The following LAMC3 variants were observed in gnomAD, a reference collection of about 807,000 sequenced individuals.
The protein encoded by LAMC3 is laminin subunit gamma-3.
LAMC3 carries 128 observed loss-of-function variants against 173.8 expected under a neutral mutation model. That is an observed-to-expected ratio of 0.74 (90% CI 0.64 to 0.85). The LOEUF (loss-of-function observed/expected upper bound fraction) is 0.85, where lower values mean the gene tolerates loss of function less well. Among genes scored for constraint, LAMC3 ranks in the 40% least tolerant of loss-of-function variants. The pLI is 0.00. For missense variants in LAMC3, 2,022 were observed against 2,156.0 expected, an observed-to-expected ratio of 0.94 and a Z score of 1.23; for synonymous variants, 897 against 909.1, an observed-to-expected ratio of 0.99 and a Z score of 0.24.
intron 11 of LAMC3, 89 bp from the exon 12 acceptor site, chr9:131,056,840 G>C: frequency 2.1e-6 from 2 of 964,718 alleles, no homozygotes; most frequent in African/African-American, 1.6e-5. Context: ...ACGTGGGCCT[G>C]GTCCATATGT....
chr9:131,057,877 A>G (rs1829724506), intron 12 of LAMC3, among the ~76,000 whole-genome samples: 2 of 152,200 alleles, frequency 1.3e-5, no homozygotes, highest in Admixed American at 1.3e-4. Context: ...ATAATAAAAT[A>G]GTGTCACCAG....
At chr9:131,027,753 G>C (rs1316674748) in intron 2 of LAMC3, among the ~76,000 whole-genome samples, 1 of 152,254 alleles carries the variant, frequency 6.6e-6, no homozygotes, top group African/African-American at 2.4e-5. Flanking sequence ...TTGGCACGTA[G>C]AGCGTGCCCA....
At chr9:131,054,746 A>G (rs975123466) in intron 11 of LAMC3, among the ~76,000 whole-genome samples, 3 of 151,698 alleles carry the variant, frequency 2.0e-5, no homozygotes, top group Non-Finnish European at 4.4e-5. Flanking sequence ...CCTTGTCTCA[A>G]AGAAAGAAAG....
Position 131,038,898 on chromosome 9 carries a change from G to A in LAMC3, c.1011G>A (p.Thr337=), listed in dbSNP as rs201170354. Residue 337 remains threonine, a synonymous_variant, in exon 5 of 28, where the codon ACG becomes ACA. Transcript: ENST00000361069. ...CNCSGRSEEC[T]FDRELFRSTG... ...GCAGTGGCCGCTCCGAGGAATGCAC[G>A]TTTGATCGGGAGCTCTTCCGCAGCA... is the stretch of plus-strand genomic sequence containing the variant. 1.5e-5 allele frequency: 25 copies of A among 1,613,350 alleles called. No individual in the cohort carries two copies. The highest frequency in any genetic ancestry group is 9.3e-5 in the African/African-American group (7 of 75,040).
chr9:131,088,126 A>T (rs1178382738), intron 27 of LAMC3, among the ~76,000 whole-genome samples: 1 of 152,180 alleles, frequency 6.6e-6, no homozygotes, highest in Non-Finnish European at 1.5e-5. Flanking sequence ...ACCCACAGGC[A>T]CCGGGTGAGC....
At chr9:131,032,794 A>G (rs1188089892) in intron 3 of LAMC3, among the ~76,000 whole-genome samples, 4 of 152,060 alleles carry the variant, frequency 2.6e-5, no homozygotes, top group Admixed American at 6.6e-5. Context: ...TCAGCCTCCC[A>G]AGTAGCTGGG....
At chr9:131,019,831 C>A (rs972301912) in intron 1 of LAMC3, among the ~76,000 whole-genome samples, 2 of 151,602 alleles carry the variant, frequency 1.3e-5, no homozygotes, top group Non-Finnish European at 2.9e-5. Flanking sequence ...ACCCGCCCCC[C>A]TCCCAGTCTT....
At chr9:131,016,755 A>G (rs377587391) in intron 1 of LAMC3, among the ~76,000 whole-genome samples, 9 of 152,354 alleles carry the variant, frequency 5.9e-5, no homozygotes, top group African/African-American at 2.2e-4. Flanking sequence ...TGGAATCATC[A>G]GATTTATATT....
chr9:131,057,029 G>T lies in LAMC3; in HGVS notation c.2040G>T (p.Thr680=), dbSNP rs531671137. Residue 680 remains threonine (T), a synonymous_variant, in exon 12 of 28, where the codon ACG becomes ACT. Transcript: ENST00000361069. ...TTTGTTCATGTCCCACTGGCTACAC[G>T]GGCCAGTTCTGTGAATCCTGTGCTC... ...VEICSCPTGY[T]GQFCESCAPG... is the part of the protein sequence containing the mutation. 1 of 1,614,038 alleles carries T rather than the reference G, an allele frequency of 6.2e-7. No homozygotes were observed. Among genetic ancestry groups the T allele is most frequent in the South Asian group, 1.1e-5 (1 of 91,082 alleles).
chr9:131,068,803 C>G, intron 15 of LAMC3, 105 bp from the exon 16 acceptor site: 1 of 1,267,546 alleles, frequency 7.9e-7, no homozygotes, highest in Non-Finnish European at 1.1e-6. Context: ...GGGGTCTTGT[C>G]AGCAGAGGGC....
At position 131,015,172 on chromosome 9, in the gene LAMC3, G is replaced by A. The variant is rs147315009; in HGVS notation, c.373+5585G>A. Reference sequence around the variant, plus strand: ...ATTTTGCCCAAGGCCACAGAGCCAGGAATTGGTGGGGCTGGGCTGTGAACC... The same window carrying A: ...ATTTTGCCCAAGGCCACAGAGCCAGAAATTGGTGGGGCTGGGCTGTGAACC... On this transcript the variant is annotated intron_variant, in intron 1 of 27. Transcript: ENST00000361069. Among the ~76,000 whole-genome samples, 1,149 of 152,320 alleles carry A rather than the reference G, an allele frequency of 7.5e-3. 15 individuals carry two copies. Among genetic ancestry groups the A allele is most frequent in the African/African-American group, 0.026 (1,082 of 41,570 alleles).
intron 1 of LAMC3, among the ~76,000 whole-genome samples, chr9:131,022,016 G>T (rs2133219295): frequency 6.6e-6 from 1 of 152,268 alleles, no homozygotes; most frequent in East Asian, 1.9e-4. Flanking sequence ...TCATGCATCA[G>T]CATTGCTTCC....
At position 131,026,623 on chromosome 9, in the gene LAMC3, G is replaced by A. The variant is rs756233066; in HGVS notation, c.678+34G>A. 2.4e-5 allele frequency: 37 copies of A among 1,533,478 alleles called. No individual in the cohort carries two copies. The highest frequency in any genetic ancestry group is 7.9e-5 in the Admixed American group (4 of 50,568). 95.0% of individuals were successfully genotyped at this position (1,533,478 alleles called of 1,614,324 possible). ...GGAGCGGGGCTTCGGAGGTTGGGACGGGGTTGGGACTGGGTCACGGCAGTA... is the reference window on the plus strand; with the variant it reads ...GGAGCGGGGCTTCGGAGGTTGGGACAGGGTTGGGACTGGGTCACGGCAGTA... On this transcript the variant is annotated intron_variant, in intron 2 of 27. Coordinates refer to ENST00000361069, the MANE Select transcript of LAMC3 (RefSeq NM_006059.4). The surrounding 1 kb of genome is among the most constrained non-coding windows in gnomAD (Gnocchi z 4.8).
At chr9:131,087,045 T>C (rs1830344244) in intron 25 of LAMC3, among the ~76,000 whole-genome samples, 1 of 152,202 alleles carries the variant, frequency 6.6e-6, no homozygotes, top group Non-Finnish European at 1.5e-5. Flanking sequence ...TTAACTAGGC[T>C]TTTAAAAAAT....
chr9:131,046,364 G>A (rs190797015), intron 8 of LAMC3, among the ~76,000 whole-genome samples: 6 of 150,280 alleles, frequency 4.0e-5, no homozygotes, highest in South Asian at 2.1e-4. Context: ...CACCGTGCCC[G>A]GCTAATTTTT....
In LAMC3 at chr9:131,067,194, A is replaced by G; in HGVS notation, c.2582A>G (p.Asp861Gly). ...AGCGCCCTGGCCCCTCGACCCGCAGACAAATGCATGCGTGAGTACCTACCT... is the reference window on the plus strand; with the variant it reads ...AGCGCCCTGGCCCCTCGACCCGCAGGCAAATGCATGCGTGAGTACCTACCT... ...YGSALAPRPA[D>G]KCMPCSCHPQ... Residue 861 changes from aspartate to glycine, a missense_variant, in exon 14 of 28, where the codon GAC becomes GGC. Asp to Gly is a moderately conservative substitution (Grantham distance 94). Coordinates refer to ENST00000361069, the MANE Select transcript of LAMC3 (RefSeq NM_006059.4). 6.2e-7 allele frequency: 1 copy of G among 1,613,978 alleles called. No homozygotes were observed. Among genetic ancestry groups the G allele is most frequent in the Non-Finnish European group, 8.5e-7 (1 of 1,179,996 alleles).
intron 13 of LAMC3, among the ~76,000 whole-genome samples, chr9:131,061,756 C>T (rs543270137): frequency 7.9e-5 from 12 of 152,270 alleles, no homozygotes; most frequent in African/African-American, 2.6e-4. Flanking sequence ...ACCCATTTAA[C>T]GCATACAATT....
intron 9 of LAMC3, among the ~76,000 whole-genome samples, chr9:131,051,303 A>G (rs1046053279): frequency 6.6e-6 from 1 of 151,898 alleles, no homozygotes; most frequent in African/African-American, 2.4e-5. Flanking sequence ...CATTCTAGGT[A>G]AAGGAAAATT....
chr9:131,065,279 G>GC (rs1268549516), intron 13 of LAMC3, among the ~76,000 whole-genome samples: 7 of 152,248 alleles, frequency 4.6e-5, no homozygotes, highest in African/African-American at 1.4e-4. Flanking sequence ...CCCTCCAAAA[G>GC]CCCCCTCGCA....
Sources: gnomAD v4.1 joint callset for allele counts (sites outside exome capture counted in the v4.1 genomes callset) on GRCh38, gnomAD v4.1.1 for gene constraint, Gnocchi (gnomAD v3.1) non-coding constraint, MANE v1.5 for transcripts, NCBI Gene and HGNC (gene_info 2026-07-23, HGNC 2026-07-21) for gene names.